The following BCLAF3 variants were observed in gnomAD, a reference collection of about 807,000 sequenced individuals.
BCLAF3 encodes transient octamer binding factor 1.
A neutral mutation model predicts 51.2 loss-of-function variants in BCLAF3; 24 were observed. The observed-to-expected ratio is 0.47, with a 90% CI of 0.34 to 0.66. BCLAF3 has a LOEUF of 0.66. BCLAF3 is among the 30% of genes least tolerant of loss of function. BCLAF3 has a pLI of 0.01. For missense variants in BCLAF3, 465 were observed against 525.1 expected (o/e 0.89, Z 1.12); for synonymous variants, 152 against 176.6 (o/e 0.86, Z 1.10).
At chrX:19,990,653 G>A (rs1669042104) in intron 1 of BCLAF3, among the ~76,000 whole-genome samples, 2 of 113,297 alleles carry the variant, frequency 1.8e-5, no homozygotes, top group South Asian at 7.1e-4. Flanking sequence ...CCGGGTCGCC[G>A]TGCCTGTCGA....
At chrX:19,970,576 T>A (rs991691875) in intron 1 of BCLAF3, among the ~76,000 whole-genome samples, 15 of 111,803 alleles carry the variant, frequency 1.3e-4, no homozygotes, top group African/African-American at 4.6e-4. Flanking sequence ...TTCTTTTTTT[T>A]AAAGCAACTC....
chrX:19,953,981 T>C (rs1481337626), intron 5 of BCLAF3, 89 bp from the exon 6 acceptor site: 1 of 1,074,169 alleles, frequency 9.3e-7, no homozygotes, highest in Non-Finnish European at 1.2e-6. Flanking sequence ...GGGATTATTT[T>C]TTAAAATTCA....
At chrX:19,978,147 G>A (rs77919269) in intron 1 of BCLAF3, among the ~76,000 whole-genome samples, 3 of 112,321 alleles carry the variant, frequency 2.7e-5, no homozygotes, top group Admixed American at 1.9e-4. Context: ...CATTCATTCT[G>A]TAGCCCATAG....
chrX:19,954,810 T>C (rs751355655), intron 5 of BCLAF3, among the ~76,000 whole-genome samples: 1 of 112,177 alleles, frequency 8.9e-6, no homozygotes, highest in Admixed American at 9.5e-5. Context: ...CTGGGGAAAG[T>C]TGTTCTATAT....
Position 19,965,438 on chromosome X carries a change from C to A in BCLAF3, c.880G>T (p.Asp294Tyr), listed in dbSNP as rs1363538834. The change falls in exon 4 of 12, where the codon GAC becomes TAC. Residue 294 changes from aspartate (D) to tyrosine (Y), a missense_variant. Coordinates refer to ENST00000379682, the MANE Select transcript of BCLAF3 (RefSeq NM_001367774.2). ...TTCTGAGTTCTCCCATCAGAAAAGT[C>A]CTGGTCCCCATCCAAGAGCTTAGGA... is the stretch of plus-strand genomic sequence containing the variant. ...KRPKLLDGDQ[D>Y]FSDGRTQKYC... 2 of 1,211,845 alleles carry A rather than the reference C, an allele frequency of 1.7e-6. No individual in the cohort carries two copies. The highest frequency in any genetic ancestry group is 4.3e-5 in the Admixed American group (2 of 46,003).
intron 1 of BCLAF3, among the ~76,000 whole-genome samples, chrX:19,974,138 A>T (rs1023095738): frequency 8.9e-6 from 1 of 111,858 alleles, no homozygotes; most frequent in Non-Finnish European, 1.9e-5. Context: ...GCTTTCACAT[A>T]TCTCAAATGC....
At chrX:19,979,177 T>C (rs374195378) in intron 1 of BCLAF3, among the ~76,000 whole-genome samples, 179 of 110,520 alleles carry the variant, frequency 1.6e-3, no homozygotes, top group African/African-American at 5.4e-3. Context: ...GGAGAATCAC[T>C]TGAACCCCCA....
chrX:19,918,091 C>T (rs1365808556), intron 11 of BCLAF3: 2 of 111,503 alleles, frequency 1.8e-5, no homozygotes, highest in African/African-American at 3.3e-5. Flanking sequence ...GGATCTTACA[C>T]TATTAAAACT....
At position 19,990,970 on chromosome X, in the gene BCLAF3, G is replaced by A. The variant is rs1044908318; in HGVS notation, c.-97C>T. Among the ~76,000 whole-genome samples, 3 of 69,008 alleles carry A rather than the reference G, an allele frequency of 4.3e-5. No homozygotes were observed. The highest frequency in any genetic ancestry group is 6.0e-4 in the East Asian group (1 of 1,677). 59.9% of individuals were successfully genotyped at this position (69,008 alleles called of 115,157 possible). On this transcript the variant is annotated 5_prime_UTR_variant, in exon 1 of 12. Coordinates refer to ENST00000379682, the MANE Select transcript of BCLAF3 (RefSeq NM_001367774.2). ...CGCCGCCGCCGCCGCCGCCGCCGCC[G>A]CCGGCCCCTCGGGCCTCGCCCCTCA...
chrX:19,935,913 G>C lies in BCLAF3; in HGVS notation c.1861-15C>G. 1.7e-6 allele frequency: 2 copies of C among 1,144,129 alleles called. No individual in the cohort carries two copies. Among genetic ancestry groups the C allele is most frequent in the Non-Finnish European group, 2.4e-6 (2 of 836,842 alleles). 94.3% of individuals were successfully genotyped at this position (1,144,129 alleles called of 1,213,427 possible). On this transcript the variant is annotated splice_polypyrimidine_tract_variant and intron_variant, in intron 9 of 11. Transcript: ENST00000379682. ...GTAGTATAATTCTGCACGAAAAAAA[G>C]TAGTAGTGTGGGTTAACAGACTTTA...
At chrX:19,969,854 GAAGA>G (rs1308101385) in intron 2 of BCLAF3, among the ~76,000 whole-genome samples, 3 of 112,004 alleles carry the variant, frequency 2.7e-5, no homozygotes, top group Admixed American at 9.5e-5. Context: ...CTGCCATGAA[GAAGA>G]AAGAGGAAAC....
At chrX:19,933,521 C>A (rs1310251566) in intron 10 of BCLAF3, among the ~76,000 whole-genome samples, 1 of 111,595 alleles carries the variant, frequency 9.0e-6, no homozygotes, top group Non-Finnish European at 1.9e-5. Flanking sequence ...CATAATGAAG[C>A]ACATAATTTT....
At chrX:19,982,551 A>T (rs1212491948) in intron 1 of BCLAF3, among the ~76,000 whole-genome samples, 2 of 46,662 alleles carry the variant, frequency 4.3e-5, no homozygotes, top group Middle Eastern at 7.3e-3. Context: ...ATGCAATTTC[A>T]CACACACACA....
chrX:19,981,845 C>T (rs1053188563), intron 1 of BCLAF3, among the ~76,000 whole-genome samples: 1 of 107,933 alleles, frequency 9.3e-6, no homozygotes, highest in African/African-American at 3.3e-5. Flanking sequence ...AAAAAGTAGA[C>T]TGGTGGTTGC....
chrX:19,955,836 T>C (rs956011763), intron 4 of BCLAF3, among the ~76,000 whole-genome samples: 3 of 111,681 alleles, frequency 2.7e-5, no homozygotes, highest in Non-Finnish European at 5.7e-5. Flanking sequence ...CAATTTTTAC[T>C]TGAAAAATAC....
At chrX:19,930,183 C>T (rs1252568843) in intron 10 of BCLAF3, 3 of 223,599 alleles carry the variant, frequency 1.3e-5, no homozygotes, top group Non-Finnish European at 2.4e-5. Context: ...TGGTGGCAGG[C>T]GCCTGTAATC....
chrX:19,979,089 G>A (rs935154498), intron 1 of BCLAF3, among the ~76,000 whole-genome samples: 5 of 110,676 alleles, frequency 4.5e-5, no homozygotes, highest in East Asian at 5.7e-4. Flanking sequence ...GTGAAACCCC[G>A]TCTCTACTAA....
At chrX:19,939,707 A>T (rs1328298932) in intron 8 of BCLAF3, among the ~76,000 whole-genome samples, 1 of 112,567 alleles carries the variant, frequency 8.9e-6, no homozygotes, top group Admixed American at 9.4e-5. Context: ...GTACAGCCAT[A>T]CAATGGAATA....
intron 1 of BCLAF3, among the ~76,000 whole-genome samples, chrX:19,975,437 G>A (rs763573078): frequency 3.7e-5 from 4 of 108,622 alleles, no homozygotes; most frequent in African/African-American, 3.4e-5. Flanking sequence ...TCCACCTCCC[G>A]GGTTCAAGTG....
Sources: allele counts gnomAD v4.1 joint callset (sites outside exome capture counted in the v4.1 genomes callset), GRCh38; gene constraint gnomAD v4.1.1; transcripts MANE v1.5; gene names NCBI Gene and HGNC (gene_info 2026-07-23, HGNC 2026-07-21).